MGAT5: variants seen among roughly 807,000 people sequenced by gnomAD.
MGAT5 encodes alpha-1,6-mannosylglycoprotein 6-beta-N-acetylglucosaminyltransferase A.
A neutral mutation model predicts 94.3 loss-of-function variants in MGAT5; 30 were observed. That is an observed-to-expected ratio of 0.32 (90% CI 0.24 to 0.43). The LOEUF is 0.43. Ranked by LOEUF, MGAT5 falls within the 20% of genes least tolerant of loss-of-function variation. MGAT5 has a pLI of 1.00. For synonymous variants in MGAT5, 310 were observed against 322.9 expected (o/e 0.96, Z 0.43); for missense variants, 691 against 905.5 (o/e 0.76, Z 3.04).
intron 1 of MGAT5, among the ~76,000 whole-genome samples, chr2:134,177,162 T>TGTG (rs372691521): frequency 2.0e-5 from 3 of 151,674 alleles, no homozygotes; most frequent in Non-Finnish European, 4.4e-5. Flanking sequence ...TGTGTGTGTG[T>TGTG]ATGTATCTCT....
At chr2:134,438,828 A>C (rs987014582) in intron 14 of MGAT5, among the ~76,000 whole-genome samples, 1 of 152,144 alleles carries the variant, frequency 6.6e-6, no homozygotes, top group Non-Finnish European at 1.5e-5. Context: ...TCATTTTCAG[A>C]AGAGTAAGCT....
intron 1 of MGAT5, among the ~76,000 whole-genome samples, chr2:134,180,619 A>G (rs1688688863): frequency 6.6e-6 from 1 of 152,166 alleles, no homozygotes; most frequent in Admixed American, 6.5e-5. Flanking sequence ...TTGTTACCAT[A>G]CCAAGGCTGG....
In MGAT5 at chr2:134,451,104, C is replaced by T. The variant is rs1162711858; in HGVS notation, c.*2257C>T. The T allele has an allele frequency of 1.3e-5, 2 of 152,104 alleles. No individual in the cohort carries two copies. Among genetic ancestry groups the T allele is most frequent in the Non-Finnish European group, 2.9e-5 (2 of 68,034 alleles). 9.4% of individuals were successfully genotyped at this position (152,104 alleles called of 1,614,324 possible). On this transcript the variant is annotated 3_prime_UTR_variant, in exon 16 of 16. Transcript: ENST00000281923. ...TGCAGGCCGAGCAAAGTTTAACCCA[C>T]TTAGCCACTGCTACTTAAGCAAGGA...
At chr2:134,255,563 G>A (rs116015373) in intron 1 of MGAT5, among the ~76,000 whole-genome samples, 1,963 of 151,190 alleles carry the variant, frequency 0.013, 20 homozygotes, top group East Asian at 0.029. Context: ...ACAAATACTT[G>A]GAAAAAAATT....
At chr2:134,259,426 C>T (rs1024040061) in intron 1 of MGAT5, among the ~76,000 whole-genome samples, 1 of 152,216 alleles carries the variant, frequency 6.6e-6, no homozygotes, top group Non-Finnish European at 1.5e-5. Flanking sequence ...AGGACAAACC[C>T]GGTCCACTTG....
At chr2:134,306,332 G>A (rs1418606361) in intron 2 of MGAT5, among the ~76,000 whole-genome samples, 1 of 152,088 alleles carries the variant, frequency 6.6e-6, no homozygotes, top group Non-Finnish European at 1.5e-5. Flanking sequence ...TACAAACTCA[G>A]TTTTGTCTTC....
At chr2:134,212,695 T>A (rs1680265331) in intron 1 of MGAT5, among the ~76,000 whole-genome samples, 1 of 152,236 alleles carries the variant, frequency 6.6e-6, no homozygotes, top group Non-Finnish European at 1.5e-5. Flanking sequence ...TCCAACTTCC[T>A]GAAAAATCAA....
chr2:134,158,294 G>A (rs1687572481), intron 1 of MGAT5, among the ~76,000 whole-genome samples: 1 of 152,222 alleles, frequency 6.6e-6, no homozygotes, highest in South Asian at 2.1e-4. Context: ...GTGCCAAGGG[G>A]CGCCTGCAGG....
At chr2:134,365,317 G>C (rs955045891) in intron 10 of MGAT5, among the ~76,000 whole-genome samples, 2 of 152,180 alleles carry the variant, frequency 1.3e-5, no homozygotes, top group Admixed American at 1.3e-4. Context: ...TCCCTCCAAT[G>C]TTGGCTGATT....
chr2:134,332,879 A>T (rs1450370766), intron 4 of MGAT5, among the ~76,000 whole-genome samples: 1 of 152,128 alleles, frequency 6.6e-6, no homozygotes, highest in East Asian at 1.9e-4. Flanking sequence ...TCAAAACCAC[A>T]ATGAGATACC....
chr2:134,176,561 A>C (rs1688473607), intron 1 of MGAT5, among the ~76,000 whole-genome samples: 1 of 117,922 alleles, frequency 8.5e-6, no homozygotes, highest in African/African-American at 3.4e-5. Context: ...TGACAGAGGG[A>C]GACTCTGTCT....
At chr2:134,136,724 A>G (rs1474287323) in intron 1 of MGAT5, among the ~76,000 whole-genome samples, 1 of 152,196 alleles carries the variant, frequency 6.6e-6, no homozygotes, top group African/African-American at 2.4e-5. Flanking sequence ...CTAGTTTGCC[A>G]AGGGGTACAG....
At chr2:134,387,911 T>C (rs943878567) in intron 10 of MGAT5, among the ~76,000 whole-genome samples, 2 of 152,198 alleles carry the variant, frequency 1.3e-5, no homozygotes, top group Admixed American at 6.5e-5. Context: ...AGGTGACTTA[T>C]AAGGTGATTG....
intron 2 of MGAT5, among the ~76,000 whole-genome samples, chr2:134,313,546 A>G (rs1194292200): frequency 6.6e-6 from 1 of 152,156 alleles, no homozygotes; most frequent in African/African-American, 2.4e-5. Context: ...ATTAAACCGA[A>G]TCCTAAACAG....
At chr2:134,442,945 T>G (rs544895840) in intron 15 of MGAT5, among the ~76,000 whole-genome samples, 3 of 152,248 alleles carry the variant, frequency 2.0e-5, no homozygotes, top group Admixed American at 2.0e-4. Flanking sequence ...AGAGGATGTT[T>G]AGGAAGTGGA....
intron 1 of MGAT5, among the ~76,000 whole-genome samples, chr2:134,136,501 A>C (rs1039091253): frequency 1.3e-5 from 2 of 152,206 alleles, no homozygotes; most frequent in Non-Finnish European, 2.9e-5. Context: ...CCAGAGGCAA[A>C]GGTTGCAGTG....
intron 2 of MGAT5, among the ~76,000 whole-genome samples, chr2:134,284,756 C>A (rs1355383593): frequency 6.6e-6 from 1 of 152,182 alleles, no homozygotes; most frequent in East Asian, 1.9e-4. Context: ...TGGTGGCAGT[C>A]TGAGCCAGGG....
intron 1 of MGAT5, among the ~76,000 whole-genome samples, chr2:134,144,262 T>C (rs1000596955): frequency 1.3e-5 from 2 of 152,206 alleles, no homozygotes; most frequent in African/African-American, 4.8e-5. Flanking sequence ...GCTGGCCATC[T>C]GCTCGGCTTC....
At chr2:134,328,052 T>A (rs1687747337) in intron 4 of MGAT5, among the ~76,000 whole-genome samples, 2 of 152,096 alleles carry the variant, frequency 1.3e-5, no homozygotes, top group African/African-American at 4.8e-5. Context: ...ATCTGTTTGG[T>A]TGGCTACAGA....
Sources: gnomAD v4.1 joint callset for allele counts (sites outside exome capture counted in the v4.1 genomes callset) on GRCh38, gnomAD v4.1.1 for gene constraint, MANE v1.5 for transcripts, NCBI Gene and HGNC (gene_info 2026-07-23, HGNC 2026-07-21) for gene names.